The following NRG1 variants were observed in gnomAD, a reference collection of about 807,000 sequenced individuals.
NRG1 encodes neuregulin 1.
Under a neutral mutation model 63.8 loss-of-function variants are expected in NRG1, and 18 were observed. The ratio of observed to expected loss-of-function variants is 0.28; its 90% CI spans 0.19 to 0.42. The LOEUF (loss-of-function observed/expected upper bound fraction) is 0.42, where lower values mean the gene tolerates loss of function less well. NRG1 is among the 10% of genes least tolerant of loss of function. NRG1 has a pLI of 1.00. For missense variants in NRG1, 762 were observed against 814.7 expected (o/e 0.94, Z 0.79); for synonymous variants, 302 against 301.3 (o/e 1.00, Z -0.02).
chr8:32,694,403 T>A (rs1812686336), intron 5 of NRG1, among the ~76,000 whole-genome samples: 1 of 152,154 alleles, frequency 6.6e-6, no homozygotes, highest in African/African-American at 2.4e-5. Flanking sequence ...TTTCAGAGAT[T>A]GTGTTATTAC....
intron 1 of NRG1, among the ~76,000 whole-genome samples, chr8:32,115,553 G>A (rs1832605481): frequency 6.6e-6 from 1 of 152,102 alleles, no homozygotes. Context: ...AGTAGCTGAG[G>A]AGGAGGAGGA....
At chr8:32,519,157 G>T (rs973522703) in intron 1 of NRG1, among the ~76,000 whole-genome samples, 1 of 152,092 alleles carries the variant, frequency 6.6e-6, no homozygotes, top group African/African-American at 2.4e-5. Flanking sequence ...CTATTATCTT[G>T]GAGTTAATTA....
intron 7 of NRG1, among the ~76,000 whole-genome samples, chr8:32,750,235 T>C (rs529190013): frequency 5.2e-4 from 79 of 152,246 alleles, no homozygotes; most frequent in South Asian, 5.0e-3. Context: ...GAGATTCCAG[T>C]GGTAATGGAA....
chr8:32,605,750 C>T (rs1417234341), intron 3 of NRG1, 67 bp downstream of exon 3: 2 of 1,542,902 alleles, frequency 1.3e-6, no homozygotes, highest in East Asian at 4.6e-5. Context: ...TGTGGTAAGA[C>T]TCATAATAGA....
At chr8:32,736,484 G>A (rs2129030402) in intron 6 of NRG1, among the ~76,000 whole-genome samples, 1 of 152,266 alleles carries the variant, frequency 6.6e-6, no homozygotes, top group South Asian at 2.1e-4. Flanking sequence ...AAAGGCTTTG[G>A]TGTCTGATAC....
chr8:32,097,061 T>G (rs762529428), intron 1 of NRG1, among the ~76,000 whole-genome samples: 6 of 152,256 alleles, frequency 3.9e-5, no homozygotes, highest in Non-Finnish European at 8.8e-5. Flanking sequence ...TAAGATTCAC[T>G]TTTCAGCTTC....
chr8:32,343,441 A>T (rs1366102802), intron 1 of NRG1, among the ~76,000 whole-genome samples: 1 of 152,228 alleles, frequency 6.6e-6, no homozygotes, highest in Non-Finnish European at 1.5e-5. Context: ...CAAATGTTTT[A>T]TAATAGAAAT....
intron 1 of NRG1, among the ~76,000 whole-genome samples, chr8:32,307,606 TG>T (rs1856356581): frequency 6.6e-6 from 1 of 151,608 alleles, no homozygotes; most frequent in East Asian, 1.9e-4. Flanking sequence ...TGTGTGTGTG[TG>T]TGTGTGTGTG....
intron 1 of NRG1, among the ~76,000 whole-genome samples, chr8:31,920,972 C>T (rs181054462): frequency 6.6e-6 from 1 of 151,914 alleles, no homozygotes; most frequent in African/African-American, 2.4e-5. Flanking sequence ...ATTTCAAAAG[C>T]TTCTATTGTA....
At chr8:32,446,605 AGATTGTGCCCCTGCACTCCAACCTG>A in intron 1 of NRG1, among the ~76,000 whole-genome samples, 1 of 152,270 alleles carries the variant, frequency 6.6e-6, no homozygotes, top group African/African-American at 2.4e-5. Context: ...CAGTGAGCCA[AGATTGTGCCCCTGCACTCCAACCTG>A]GGCAACAGAG....
chr8:32,028,874 T>C (rs1817854988), intron 1 of NRG1, among the ~76,000 whole-genome samples: 1 of 150,026 alleles, frequency 6.7e-6, no homozygotes, highest in South Asian at 2.2e-4. Flanking sequence ...CTAACCTTCC[T>C]ATTCATAGTG....
rs57363109 is a variant in NRG1, at chr8:31,712,255, CTTTTTTTTTTTTTTT to C, written c.37+72840_37+72854del. On this transcript the variant is annotated intron_variant, in intron 1 of 10. Transcript: ENST00000519301. ...TGACTTCCTGTTTCTTCTTCATGATCTTTTTTTTTTTTTTTTTTTTTTTTTTTTTTGATGGAGTCT... is the reference window on the plus strand; with the variant it reads ...TGACTTCCTGTTTCTTCTTCATGATCTTTTTTTTTTTTTTTGATGGAGTCT... 1.8e-4 allele frequency among the ~76,000 whole-genome samples: 13 copies of C among 72,344 alleles called. 1 individual carries two copies. The South Asian group carries it at 3.2e-3, about 18-fold the overall frequency. 47.5% of individuals were successfully genotyped at this position (72,344 alleles called of 152,430 possible). A position where few individuals can be genotyped will look rare whatever the true frequency, so the allele number is the denominator to read the frequency against.
intron 5 of NRG1, among the ~76,000 whole-genome samples, chr8:32,663,499 T>C (rs1803382278): frequency 6.6e-6 from 1 of 152,150 alleles, no homozygotes; most frequent in Admixed American, 6.5e-5. Flanking sequence ...TTTTTCTCCT[T>C]TCTCTATTAA....
At chr8:32,770,187 G>GTA (rs1831689646), downstream of NRG1, among the ~76,000 whole-genome samples, 1 of 152,116 alleles carries the variant, frequency 6.6e-6, no homozygotes, top group Non-Finnish European at 1.5e-5. Context: ...AATGGCTTAT[G>GTA]TATAGATTTG....
chr8:31,805,103 T>C (rs1445365988), intron 1 of NRG1, among the ~76,000 whole-genome samples: 1 of 152,210 alleles, frequency 6.6e-6, no homozygotes, highest in East Asian at 1.9e-4. Flanking sequence ...TTATGTAAAA[T>C]TATTTTATTA....
chr8:32,217,722 T>A (rs1845391113), intron 1 of NRG1, among the ~76,000 whole-genome samples: 1 of 152,244 alleles, frequency 6.6e-6, no homozygotes, highest in African/African-American at 2.4e-5. Flanking sequence ...AATTTATTCA[T>A]TCATTTTAAA....
chr8:32,622,125 C>T (rs1009182550), intron 5 of NRG1, among the ~76,000 whole-genome samples: 1 of 152,072 alleles, frequency 6.6e-6, no homozygotes, highest in Non-Finnish European at 1.5e-5. Context: ...ATGCTGAGGA[C>T]AATCGCGGTG....
intron 1 of NRG1, among the ~76,000 whole-genome samples, chr8:32,132,741 A>C (rs374677192): frequency 1.3e-5 from 2 of 152,214 alleles, no homozygotes; most frequent in Admixed American, 1.3e-4. Flanking sequence ...TCTTTACAGA[A>C]TATGATGTTT....
chr8:32,622,696 C>T (rs554109390), intron 5 of NRG1, among the ~76,000 whole-genome samples: 7 of 152,226 alleles, frequency 4.6e-5, no homozygotes, highest in African/African-American at 1.4e-4. Flanking sequence ...TGCCTGGCCC[C>T]GAGATTCAGT....
Sources: allele counts gnomAD v4.1 joint callset (sites outside exome capture counted in the v4.1 genomes callset), GRCh38; gene constraint gnomAD v4.1.1; transcripts MANE v1.5; gene names NCBI Gene and HGNC (gene_info 2026-07-23, HGNC 2026-07-21).